PJVK: variants seen among roughly 807,000 people sequenced by gnomAD.
PJVK encodes autosomal recessive deafness type 59 protein.
PJVK carries 33 observed loss-of-function variants against 37.6 expected under a neutral mutation model. The observed-to-expected ratio is 0.88, with a 90% CI of 0.67 to 1.17. PJVK has a LOEUF of 1.17. Ranked by LOEUF, PJVK falls within the 50% of genes most tolerant of loss-of-function variation. The pLI is 0.00. For synonymous variants in PJVK, 141 were observed against 143.5 expected, an observed-to-expected ratio of 0.98 and a Z score of 0.13; for missense variants, 410 against 413.8, an observed-to-expected ratio of 0.99 and a Z score of 0.08.
chr2:178,457,354 GC>G (rs1465637880), intron 4 of PJVK, among the ~76,000 whole-genome samples: 1 of 152,216 alleles, frequency 6.6e-6, no homozygotes, highest in African/African-American at 2.4e-5. Flanking sequence ...AGTGGATCAT[GC>G]CTGTAATCCC....
At chr2:178,453,176 G>GT in intron 1 of PJVK, 2 of 497,094 alleles carry the variant, frequency 4.0e-6, no homozygotes, top group Non-Finnish European at 7.3e-6. Flanking sequence ...GCCATTCCAA[G>GT]TTAAACATGC....
chr2:178,453,159 A>G (rs995700236), intron 1 of PJVK: 12 of 462,194 alleles, frequency 2.6e-5, no homozygotes, highest in Middle Eastern at 6.1e-4. Context: ...TTTTAGTGCT[A>G]TAGCCTGCCA....
intron 4 of PJVK, among the ~76,000 whole-genome samples, chr2:178,457,501 A>C (rs1025486202): frequency 5.9e-5 from 9 of 152,186 alleles, no homozygotes; most frequent in Non-Finnish European, 1.2e-4. Flanking sequence ...CTATAGTCCC[A>C]GCTACTCGGA....
Position 178,461,208 on chromosome 2 carries a change from TG to T in PJVK, c.995del (p.Gly332ValfsTer5), listed in dbSNP as rs1559372656. On this transcript the variant is annotated frameshift_variant, in exon 7 of 7. Transcript: ENST00000644580. LOFTEE classifies it high-confidence loss of function. ...VYGCFQCSVDGQKYVRLHAVP... is the reference protein window; with the variant it reads ...VYGCFQCSVDXQKYVRLHAVP... ...ATGGGTGCTTTCAGTGTTCTGTTGA[TG>T]GTCAGAAGTATGTGAGACTTCATGC... 1 of 1,614,194 alleles carries T rather than the reference TG, an allele frequency of 6.2e-7. No homozygotes were observed. Among genetic ancestry groups the T allele is most frequent in the South Asian group, 1.1e-5 (1 of 91,088 alleles).
Position 178,454,314 on chromosome 2 carries a change from G to C in PJVK, c.212-18G>C. On this transcript the variant is annotated intron_variant, in intron 2 of 6. Coordinates refer to ENST00000644580, the MANE Select transcript of PJVK (RefSeq NM_001042702.5). ...AAGATAAAGATGTTTAAAAAATACT[G>C]AGTTTCTTCTTATAAAGGTATTTCA... The C allele has an allele frequency of 6.3e-7, 1 of 1,594,964 alleles. No homozygotes were observed. The highest frequency in any genetic ancestry group is 8.6e-7 in the Non-Finnish European group (1 of 1,165,240).
rs374783001 is a variant in PJVK, at chr2:178,454,644, A to G, written c.407+117A>G. ...TTGTATTTTACTAGTGTAATTTGCT[A>G]GATATGTTTGAAATACATTGGTAGT... On this transcript the variant is annotated intron_variant, in intron 3 of 6. Coordinates refer to ENST00000644580, the MANE Select transcript of PJVK (RefSeq NM_001042702.5). 116 of 1,434,302 alleles carry G rather than the reference A, an allele frequency of 8.1e-5. No individual in the cohort carries two copies. The African/African-American group carries it at 1.2e-3, about 15-fold the overall frequency. The allele number at this position is 1,434,302 out of a possible 1,614,324, so 88.8% of individuals were successfully genotyped here. A position where few individuals can be genotyped will look rare whatever the true frequency, so the allele number is the denominator to read the frequency against.
chr2:178,453,052 C>A, intron 1 of PJVK: 1 of 315,292 alleles, frequency 3.2e-6, no homozygotes. Context: ...ATATGCTTCC[C>A]TTAAAATTGG....
In PJVK at chr2:178,451,413, T is replaced by C; in HGVS notation, c.-379T>C. On this transcript the variant is annotated 5_prime_UTR_variant, in exon 1 of 7. Transcript: ENST00000644580. ...TAGTAACTGGCCCCTAGGCCGCAGT[T>C]CTTTGTCCTTAGCAGGAGGCCGTTT... The C allele has an allele frequency of 3.9e-6, 1 of 258,842 alleles. No individual in the cohort carries two copies. Among genetic ancestry groups the C allele is most frequent in the Non-Finnish European group, 7.5e-6 (1 of 134,084 alleles). The allele number at this position is 258,842 out of a possible 1,614,324, so 16.0% of individuals were successfully genotyped here.
At chr2:178,454,146 A>G in intron 2 of PJVK, 186 bp from the exon 3 acceptor site, 1 of 517,580 alleles carries the variant, frequency 1.9e-6, no homozygotes, top group Non-Finnish European at 3.4e-6. Context: ...TCCTTTTAAG[A>G]ATTCTGGCTA....
intron 4 of PJVK, 126 bp downstream of exon 4, chr2:178,456,277 T>C (rs1203310819): frequency 2.3e-5 from 29 of 1,266,336 alleles, no homozygotes; most frequent in Admixed American, 2.0e-5. Context: ...TGCAGTTGTA[T>C]AGGATTTTGC....
Position 178,461,893 on chromosome 2 carries a change from T to C in PJVK, c.*619T>C, listed in dbSNP as rs995068204. ...CCACCGTGCCTGGCCTAGATAACTT[T>C]TTATATAATTAAGAGATTTTTGTAA... On this transcript the variant is annotated 3_prime_UTR_variant, in exon 7 of 7. Transcript: ENST00000644580. 2.0e-5 allele frequency among the ~76,000 whole-genome samples: 3 copies of C among 152,194 alleles called. No homozygotes were observed. The highest frequency in any genetic ancestry group is 7.2e-5 in the African/African-American group (3 of 41,438).
At position 178,456,117 on chromosome 2, in the gene PJVK, C is replaced by T. The variant is rs749628572; in HGVS notation, c.515C>T (p.Ser172Phe). Residue 172 changes from serine to phenylalanine, a missense_variant, in exon 4 of 7, where the codon TCT (serine) becomes TTT (phenylalanine). Ser to Phe is a radical substitution (Grantham distance 155). Coordinates refer to ENST00000644580, the MANE Select transcript of PJVK (RefSeq NM_001042702.5). ...CGAACCACACGACAGTGCTCACTGTCTGTGCATGCTGGAATTCGAGGGGAA... is the reference window on the plus strand; with the variant it reads ...CGAACCACACGACAGTGCTCACTGTTTGTGCATGCTGGAATTCGAGGGGAA... ...SIRTTRQCSL[S>F]VHAGIRGEAM... 6.2e-7 allele frequency: 1 copy of T among 1,614,098 alleles called. No homozygotes were observed.
In PJVK at chr2:178,458,576, A is replaced by G. The variant is rs762910563; in HGVS notation, c.616A>G (p.Thr206Ala). 3 of 1,614,136 alleles carry G rather than the reference A, an allele frequency of 1.9e-6. No individual in the cohort carries two copies. Among genetic ancestry groups the G allele is most frequent in the Non-Finnish European group, 2.5e-6 (3 of 1,180,000 alleles). Residue 206 changes from threonine to alanine, a missense_variant, in exon 5 of 7, where the codon ACC becomes GCC. Physicochemically the swap from Thr to Ala is moderately conservative, Grantham distance 58. Transcript: ENST00000644580. ...DKAIVFPAHT[T>A]IAFSVFELFI... ...AGCTATTGTTTTCCCAGCACATACA[A>G]CCATAGCTTTCAGTGTTTTTGAACT...
Position 178,453,596 on chromosome 2 carries a change from C to G in PJVK, c.187C>G (p.Leu63Val). 4 of 1,613,306 alleles carry G rather than the reference C, an allele frequency of 2.5e-6. No homozygotes were observed. Among genetic ancestry groups the G allele is most frequent in the Non-Finnish European group, 3.4e-6 (4 of 1,179,572 alleles). ...STPFTLKDIL[L>V]GDREISAGIS... ...ACCTTTTACACTGAAAGATATTCTC[C>G]TAGGAGACAGAGAAATTTCAGCTGG... is the stretch of plus-strand genomic sequence containing the variant. Residue 63 changes from leucine to valine, a missense_variant, in exon 2 of 7, where the codon CTA becomes GTA. Coordinates refer to ENST00000644580, the MANE Select transcript of PJVK (RefSeq NM_001042702.5).
At chr2:178,452,543 C>G (rs1209388895) in intron 1 of PJVK, 2 of 985,260 alleles carry the variant, frequency 2.0e-6, no homozygotes, top group African/African-American at 3.5e-5. Flanking sequence ...CCGCATAACA[C>G]CTATGGCAAA....
intron 1 of PJVK, 161 bp downstream of exon 1, chr2:178,451,930 TC>T (rs913228194): frequency 1.4e-4 from 106 of 743,202 alleles, no homozygotes; most frequent in African/African-American, 3.4e-4. Flanking sequence ...GCAGAAATGC[TC>T]CCCTGTGCTT....
intron 5 of PJVK, chr2:178,459,247 A>G (rs1684332346): frequency 4.2e-6 from 2 of 471,050 alleles, no homozygotes; most frequent in Non-Finnish European, 8.8e-6. Flanking sequence ...CCAAGGGATC[A>G]GGAAAGGCAG....
At chr2:178,459,390 T>A (rs968426826) in intron 5 of PJVK, 37 of 329,738 alleles carry the variant, frequency 1.1e-4, no homozygotes, top group African/African-American at 7.5e-4. Context: ...TTTTAAAAAA[T>A]ATTTTTAATT....
Position 178,457,030 on chromosome 2 carries a change from G to A in PJVK, c.549+879G>A, listed in dbSNP as rs557489438. ...GTCCCCGAGGCTGGAGTGCAGTGGC[G>A]CGATCTTGGCTCACTGCAAACTCCG... On this transcript the variant is annotated intron_variant, in intron 4 of 6. Coordinates refer to ENST00000644580, the MANE Select transcript of PJVK (RefSeq NM_001042702.5). 5.3e-5 allele frequency among the ~76,000 whole-genome samples: 8 copies of A among 152,070 alleles called. No individual in the cohort carries two copies. The South Asian group carries it at 8.3e-4, about 16-fold the overall frequency.
Sources: allele counts gnomAD v4.1 joint callset (sites outside exome capture counted in the v4.1 genomes callset), GRCh38; gene constraint gnomAD v4.1.1; transcripts MANE v1.5; gene names NCBI Gene and HGNC (gene_info 2026-07-23, HGNC 2026-07-21).